Variants in SLC30A5 observed in about 807,000 individuals in gnomAD.
SLC30A5 encodes solute carrier family 30 member 5.
SLC30A5 carries 33 observed loss-of-function variants against 79.6 expected under a neutral mutation model. The observed-to-expected ratio is 0.41, with a 90% CI of 0.31 to 0.55. The LOEUF (loss-of-function observed/expected upper bound fraction) is 0.55. SLC30A5 is among the 20% of genes least tolerant of loss of function. The probability of loss-of-function intolerance (pLI) is 0.20; values close to 1 mark genes in which losing one functional copy is unlikely to be tolerated. For missense variants in SLC30A5, 788 were observed against 928.1 expected (o/e 0.85, Z 1.96); for synonymous variants, 299 against 319.7 (o/e 0.94, Z 0.69).
intron 1 of SLC30A5, among the ~76,000 whole-genome samples, chr5:69,095,906 CA>C (rs11293362): frequency 0.49 from 68,244 of 140,050 alleles, 15,779 homozygotes; most frequent in Middle Eastern, 0.58. Context: ...CTAAAAATAC[CA>C]AAAAAAAAAA....
chr5:69,113,281 C>G (rs2111970686), intron 6 of SLC30A5, 54 bp downstream of exon 6: 1 of 1,338,328 alleles, frequency 7.5e-7, no homozygotes, highest in Non-Finnish European at 1.1e-6. Context: ...AAACTAGAAG[C>G]CTGGAACAAT....
Position 69,116,111 on chromosome 5 carries a change from A to T in SLC30A5, c.969A>T (p.Pro323=). 1 of 1,614,218 alleles carries T rather than the reference A, an allele frequency of 6.2e-7. No homozygotes were observed. Among genetic ancestry groups the T allele is most frequent in the South Asian group, 1.1e-5 (1 of 91,086 alleles). ...ALLFGNFWTH[P]ITDQLRAMNK... ...TTTTTGGAAATTTTTGGACACATCCAATAACAGACCAGCTTCGGGCTATGA... is the reference window on the plus strand; with the variant it reads ...TTTTTGGAAATTTTTGGACACATCCTATAACAGACCAGCTTCGGGCTATGA... Residue 323 remains proline, a synonymous_variant, in exon 9 of 16, where the codon CCA becomes CCT. Coordinates refer to ENST00000396591, the MANE Select transcript of SLC30A5 (RefSeq NM_022902.5). The surrounding 1 kb of genome is among the most constrained non-coding windows in gnomAD (Gnocchi z 4.0).
intron 1 of SLC30A5, among the ~76,000 whole-genome samples, chr5:69,097,109 CTTTTTTTTT>C (rs1228027917): frequency 3.4e-5 from 3 of 87,948 alleles, no homozygotes; most frequent in Non-Finnish European, 2.1e-5. Flanking sequence ...CTCTCTTTTT[CTTTTTTTTT>C]TTTTTTTTTT....
At chr5:69,114,564 G>T in intron 7 of SLC30A5, 68 bp downstream of exon 7, 4 of 1,015,292 alleles carry the variant, frequency 3.9e-6, no homozygotes, top group East Asian at 2.4e-5. Flanking sequence ...AACTATAAAG[G>T]TACATTTAAA....
chr5:69,104,788 GT>G (rs1162767686), intron 4 of SLC30A5, 72 bp downstream of exon 4: 5 of 1,450,572 alleles, frequency 3.4e-6, no homozygotes, highest in Admixed American at 2.0e-5. Flanking sequence ...GTTCCACTGT[GT>G]TTTACGTCAA....
At chr5:69,111,550 C>T (rs1216036757) in intron 5 of SLC30A5, among the ~76,000 whole-genome samples, 3 of 151,994 alleles carry the variant, frequency 2.0e-5, no homozygotes, top group Non-Finnish European at 2.9e-5. Flanking sequence ...ATGATCCACC[C>T]GCCTCGGCCT....
chr5:69,117,171 G>T (rs1284091574), intron 10 of SLC30A5, 68 bp from the exon 11 acceptor site: 3 of 1,297,228 alleles, frequency 2.3e-6, no homozygotes, highest in East Asian at 2.4e-5. Flanking sequence ...GATAATTAAG[G>T]GTTAAAATCC....
intron 11 of SLC30A5, 183 bp from the exon 12 acceptor site, chr5:69,118,316 T>A (rs1746437753): frequency 5.0e-6 from 1 of 201,922 alleles, no homozygotes; most frequent in Admixed American, 6.3e-5. Flanking sequence ...TATGTGTATA[T>A]ATATATATGT....
chr5:69,122,408 C>CT (rs1361537306), intron 13 of SLC30A5, among the ~76,000 whole-genome samples: 9 of 152,092 alleles, frequency 5.9e-5, no homozygotes, highest in Non-Finnish European at 1.3e-4. Flanking sequence ...AATCCTAGCA[C>CT]TTTGGGAGGC....
chr5:69,130,659 C>G lies in SLC30A5; in HGVS notation c.*1042C>G, dbSNP rs192484712. The G allele has an allele frequency of 1.4e-4, 21 of 152,230 alleles. No homozygotes were observed. Among genetic ancestry groups the G allele is most frequent in the Admixed American group, 1.4e-3 (21 of 15,276 alleles). The allele number at this position is 152,230 out of a possible 1,614,324, so 9.4% of individuals were successfully genotyped here. On this transcript the variant is annotated 3_prime_UTR_variant, in exon 16 of 16. Transcript: ENST00000396591. ...ACCATGAAATCAAAATACCCTATAA[C>G]TACTTTCTATAGTCATATCTAATTT...
intron 1 of SLC30A5, among the ~76,000 whole-genome samples, chr5:69,099,329 T>G (rs76263627): frequency 1.1e-3 from 175 of 152,340 alleles, no homozygotes; most frequent in African/African-American, 4.0e-3. Flanking sequence ...ACACAGGTAT[T>G]TTTTTCCCCT....
chr5:69,121,541 A>G (rs933042937), intron 12 of SLC30A5, among the ~76,000 whole-genome samples, 153 bp from the exon 13 acceptor site: 3 of 152,320 alleles, frequency 2.0e-5, no homozygotes, highest in African/African-American at 7.2e-5. Context: ...TCACATTTTT[A>G]AAATTTTGGA....
At chr5:69,104,535 TTTG>T (rs1746028337) in intron 3 of SLC30A5, 93 bp from the exon 4 acceptor site, 12 of 1,408,670 alleles carry the variant, frequency 8.5e-6, no homozygotes, top group South Asian at 1.4e-5. Flanking sequence ...CTTTAAAATA[TTTG>T]TTATTATTAT....
chr5:69,109,625 A>G (rs1375532853), intron 5 of SLC30A5, among the ~76,000 whole-genome samples: 1 of 152,206 alleles, frequency 6.6e-6, no homozygotes, highest in African/African-American at 2.4e-5. Context: ...TTGAAAAATA[A>G]CTAAAAACTT....
chr5:69,128,627 A>C (rs968405137), intron 15 of SLC30A5, among the ~76,000 whole-genome samples: 7 of 152,140 alleles, frequency 4.6e-5, no homozygotes, highest in African/African-American at 1.7e-4. Flanking sequence ...TATATCTAAA[A>C]ATTGCTAAAA....
At chr5:69,113,369 C>G (rs567862303) in intron 6 of SLC30A5, 142 bp downstream of exon 6, 33 of 571,480 alleles carry the variant, frequency 5.8e-5, no homozygotes, top group Non-Finnish European at 8.9e-5. Flanking sequence ...TATTCTAAAT[C>G]AGTATTCAAA....
At chr5:69,111,498 G>T (rs761384436) in intron 5 of SLC30A5, among the ~76,000 whole-genome samples, 6 of 150,928 alleles carry the variant, frequency 4.0e-5, no homozygotes, top group Middle Eastern at 3.5e-3. Flanking sequence ...TAGAGACAGG[G>T]TTTCACCATA....
In SLC30A5 at chr5:69,117,267, G is replaced by A; in HGVS notation, c.1310G>A (p.Gly437Asp). The part of the protein sequence containing the change: ...LLFTFVELFY[G>D]VLTNSLGLIS... The stretch of plus-strand genomic sequence containing the variant: ...TTTACCTTTGTGGAATTATTCTATG[G>A]CGTGCTGACCAATAGTCTGGGCCTG... Residue 437 changes from glycine to aspartate, a missense_variant, in exon 11 of 16, where the codon GGC becomes GAC. Physicochemically the swap from Gly to Asp is moderately conservative, Grantham distance 94. This residue lies in a region of SLC30A5 where 626 missense variants were observed against 755.5 expected (regional missense o/e 0.83). Coordinates refer to ENST00000396591, the MANE Select transcript of SLC30A5 (RefSeq NM_022902.5). The A allele has an allele frequency of 6.2e-7, 1 of 1,612,708 alleles. No homozygotes were observed.
At chr5:69,128,265 T>C in intron 15 of SLC30A5, 133 bp downstream of exon 15, 1 of 722,930 alleles carries the variant, frequency 1.4e-6, no homozygotes, top group Non-Finnish European at 2.0e-6. Flanking sequence ...TTTTTTTTTT[T>C]TTTTGAGACA....
Sources: allele counts gnomAD v4.1 joint callset (sites outside exome capture counted in the v4.1 genomes callset), GRCh38; gene constraint gnomAD v4.1.1; regional missense constraint gnomAD v4.1.1; non-coding constraint Gnocchi (gnomAD v3.1); transcripts MANE v1.5; gene names NCBI Gene and HGNC (gene_info 2026-07-23, HGNC 2026-07-21).